PRKN: variants seen among roughly 807,000 people sequenced by gnomAD.
The protein encoded by PRKN is E3 ubiquitin-protein ligase parkin.
A neutral mutation model predicts 59.5 loss-of-function variants in PRKN; 56 were observed. The ratio of observed to expected loss-of-function variants is 0.94; its 90% CI spans 0.76 to 1.18. PRKN has a LOEUF of 1.18. Among genes scored for constraint, PRKN ranks in the 50% most tolerant of loss-of-function variants. PRKN has a pLI of 0.00. For missense variants in PRKN, 657 were observed against 596.4 expected, an observed-to-expected ratio of 1.10 and a Z score of -1.06; for synonymous variants, 250 against 222.1, an observed-to-expected ratio of 1.13 and a Z score of -1.12.
At chr6:162,404,836 G>T (rs1227797530) in intron 2 of PRKN, among the ~76,000 whole-genome samples, 1 of 152,190 alleles carries the variant, frequency 6.6e-6, no homozygotes, top group Non-Finnish European at 1.5e-5. Flanking sequence ...ACAGGCGTGA[G>T]CTACTGCGAC....
At chr6:161,955,196 C>T (rs773081667) in intron 6 of PRKN, among the ~76,000 whole-genome samples, 197 of 152,200 alleles carry the variant, frequency 1.3e-3, no homozygotes, top group Non-Finnish European at 2.4e-3. Flanking sequence ...TGCTGTGGGG[C>T]TGACTCGTGC....
At position 162,308,457 on chromosome 6, in the gene PRKN, A is replaced by C. The variant is rs559690329; in HGVS notation, c.172-45692T>G. On this transcript the variant is annotated intron_variant, in intron 2 of 11. Transcript: ENST00000366898. ...ATAAGACACTCAAGAATTTCATTTTAATATTTATTGCTTGTAGTGAAATTG... is the reference window on the plus strand; with the variant it reads ...ATAAGACACTCAAGAATTTCATTTTCATATTTATTGCTTGTAGTGAAATTG... Among the ~76,000 whole-genome samples the C allele has an allele frequency of 2.0e-5, 3 of 152,316 alleles. No individual in the cohort carries two copies. In the East Asian group the frequency reaches 5.8e-4, roughly 29 times the overall value.
chr6:162,286,334 C>T (rs1781191661), intron 2 of PRKN, among the ~76,000 whole-genome samples: 1 of 152,100 alleles, frequency 6.6e-6, no homozygotes, highest in Non-Finnish European at 1.5e-5. Flanking sequence ...TAGCCGTGAG[C>T]CTTGATCTTC....
intron 5 of PRKN, among the ~76,000 whole-genome samples, chr6:162,031,912 T>C (rs1349710674): frequency 6.6e-6 from 1 of 152,192 alleles, no homozygotes; most frequent in Non-Finnish European, 1.5e-5. Flanking sequence ...GTCAAGATAA[T>C]TCAGAACCCA....
chr6:162,150,449 C>G (rs558566710), intron 4 of PRKN, among the ~76,000 whole-genome samples: 1 of 152,126 alleles, frequency 6.6e-6, no homozygotes, highest in Non-Finnish European at 1.5e-5. Context: ...GCTTTGTTAC[C>G]GCAGGGCTGC....
rs189049929 is a variant in PRKN, at chr6:162,460,215, C to T, written c.8-16742G>A. Among the ~76,000 whole-genome samples, 66 of 152,190 alleles carry T rather than the reference C, an allele frequency of 4.3e-4. 1 individual carries two copies. The highest frequency in any genetic ancestry group is 1.7e-3 in the Admixed American group (26 of 15,282). On this transcript the variant is annotated intron_variant, in intron 1 of 11. Transcript: ENST00000366898. ...AAAAGGATGAAGTGCTGGTTCATAC[C>T]ACAACCTGGGTGAACCTTGAAAACA...
intron 1 of PRKN, among the ~76,000 whole-genome samples, chr6:162,469,492 ATG>A (rs376285594): frequency 8.2e-5 from 12 of 146,740 alleles, no homozygotes; most frequent in Non-Finnish European, 6.0e-5. Context: ...AAACTGTGGT[ATG>A]TGTGTGTGTG....
chr6:162,727,744 G>C lies in PRKN; in HGVS notation c.-76C>G, dbSNP rs1046279256. The C allele has an allele frequency of 2.7e-6, 4 of 1,473,450 alleles. No homozygotes were observed. In the African/African-American group the frequency reaches 4.2e-5, roughly 15 times the overall value. The allele number at this position is 1,473,450 out of a possible 1,614,324, so 91.3% of individuals were successfully genotyped here. A position where few individuals can be genotyped will look rare whatever the true frequency, so the allele number is the denominator to read the frequency against. ...GCGGCGCCAGCCGCGCCTCCCACCA[G>C]CGGCTCTCCTGGGTTAAATCCTCCA... is the stretch of plus-strand genomic sequence containing the variant. On this transcript the variant is annotated 5_prime_UTR_variant, in exon 1 of 12. Transcript: ENST00000366898.
In PRKN at chr6:161,554,374, C is replaced by G. The variant is rs9346869; in HGVS notation, c.934-5371G>C. Among the ~76,000 whole-genome samples, 70,011 of 150,692 alleles carry G rather than the reference C, an allele frequency of 0.46. 16,484 individuals carry two copies. Among genetic ancestry groups the G allele is most frequent in the East Asian group, 0.6 (3,077 of 5,090 alleles). ...GGCCATTTCGAACTATGCTGTCTTT[C>G]TCTTAACCTTCATGTTATCTTACTT... On this transcript the variant is annotated intron_variant, in intron 8 of 11. Transcript: ENST00000366898. This position sits in a 1 kb window ranked among gnomAD's most constrained non-coding sequence, Gnocchi z 4.5.
intron 7 of PRKN, among the ~76,000 whole-genome samples, chr6:161,722,958 C>G (rs1344239295): frequency 6.6e-6 from 1 of 152,140 alleles, no homozygotes; most frequent in African/African-American, 2.4e-5. Flanking sequence ...TAAAAAGAGT[C>G]CTCATTTAGG....
intron 4 of PRKN, among the ~76,000 whole-genome samples, chr6:162,165,548 C>T (rs1255853394): frequency 6.7e-6 from 1 of 149,308 alleles, no homozygotes; most frequent in Non-Finnish European, 1.5e-5. Context: ...CTAACCAGCA[C>T]GTAAGAAAGC....
At chr6:161,939,528 T>TC (rs1161398743) in intron 6 of PRKN, among the ~76,000 whole-genome samples, 1 of 150,700 alleles carries the variant, frequency 6.6e-6, no homozygotes. Flanking sequence ...GGTCGGGAGT[T>TC]CAAGACCAGC....
intron 6 of PRKN, among the ~76,000 whole-genome samples, chr6:161,907,558 C>T (rs1156355527): frequency 6.6e-6 from 1 of 152,096 alleles, no homozygotes; most frequent in Non-Finnish European, 1.5e-5. Context: ...CATCTTTCCC[C>T]TACTGCTTGA....
intron 1 of PRKN, among the ~76,000 whole-genome samples, chr6:162,687,834 G>C (rs1023040598): frequency 2.0e-5 from 3 of 152,140 alleles, no homozygotes; most frequent in Non-Finnish European, 4.4e-5. Flanking sequence ...TTGATTCTCA[G>C]CATGAAGGCA....
At chr6:162,341,162 A>T (rs1391818822) in intron 2 of PRKN, among the ~76,000 whole-genome samples, 1 of 152,190 alleles carries the variant, frequency 6.6e-6, no homozygotes, top group Non-Finnish European at 1.5e-5. Flanking sequence ...AAAAAAGCTC[A>T]TCATCACTGG....
At chr6:161,764,933 A>T (rs1037241967) in intron 7 of PRKN, among the ~76,000 whole-genome samples, 1 of 152,208 alleles carries the variant, frequency 6.6e-6, no homozygotes, top group Non-Finnish European at 1.5e-5. Context: ...AAAAGATTCC[A>T]TTGCTGAGCT....
chr6:161,418,612 C>T (rs1055127459), intron 9 of PRKN, among the ~76,000 whole-genome samples: 2 of 152,110 alleles, frequency 1.3e-5, no homozygotes, highest in African/African-American at 4.8e-5. Context: ...AAACCATACC[C>T]GAAAGGCAAG....
intron 1 of PRKN, among the ~76,000 whole-genome samples, chr6:162,615,558 C>G (rs1158297108): frequency 6.6e-6 from 1 of 152,118 alleles, no homozygotes; most frequent in East Asian, 1.9e-4. Context: ...ACATGCCACC[C>G]CAGCAAGGTC....
intron 2 of PRKN, among the ~76,000 whole-genome samples, chr6:162,292,339 C>T (rs1030595348): frequency 3.3e-5 from 5 of 152,106 alleles, no homozygotes. Context: ...GATGCAACAC[C>T]ATAAAGGAGC....
Sources: allele counts gnomAD v4.1 joint callset (sites outside exome capture counted in the v4.1 genomes callset), GRCh38; gene constraint gnomAD v4.1.1; non-coding constraint Gnocchi (gnomAD v3.1); transcripts MANE v1.5; gene names NCBI Gene and HGNC (gene_info 2026-07-23, HGNC 2026-07-21).